Variants in GATAD2B observed in about 807,000 individuals in gnomAD.
GATAD2B encodes the protein transcriptional repressor p66-beta.
Under a neutral mutation model 64.3 loss-of-function variants are expected in GATAD2B, and 8 were observed. The ratio of observed to expected loss-of-function variants is 0.12; its 90% CI spans 0.07 to 0.22. GATAD2B has a LOEUF of 0.22. Among genes scored for constraint, GATAD2B ranks in the 10% least tolerant of loss-of-function variants. The probability of loss-of-function intolerance (pLI) is 1.00; values close to 1 mark genes in which losing one functional copy is unlikely to be tolerated. For missense variants in GATAD2B, 453 were observed against 752.0 expected (o/e 0.60, Z 4.65); for synonymous variants, 281 against 271.3 (o/e 1.04, Z -0.35).
At chr1:153,838,232 A>C (rs1449951867) in intron 1 of GATAD2B, among the ~76,000 whole-genome samples, 1 of 152,178 alleles carries the variant, frequency 6.6e-6, no homozygotes, top group Non-Finnish European at 1.5e-5. Flanking sequence ...CTGCACATCT[A>C]TCCATCCATC....
chr1:153,865,835 G>A (rs1040055157), intron 1 of GATAD2B, among the ~76,000 whole-genome samples: 1 of 152,054 alleles, frequency 6.6e-6, no homozygotes, highest in African/African-American at 2.4e-5. Flanking sequence ...ACCTTAGAAC[G>A]GTCTCAACGG....
intron 1 of GATAD2B, among the ~76,000 whole-genome samples, chr1:153,854,582 A>C (rs991758299): frequency 6.6e-6 from 1 of 152,232 alleles, no homozygotes; most frequent in Non-Finnish European, 1.5e-5. Context: ...ATACATTTTT[A>C]AAAGTTTGTT....
intron 1 of GATAD2B, among the ~76,000 whole-genome samples, chr1:153,831,653 C>A (rs1270866256): frequency 6.6e-6 from 1 of 152,178 alleles, no homozygotes; most frequent in Non-Finnish European, 1.5e-5. Flanking sequence ...TCACACTTCA[C>A]CTCCCAATTT....
At chr1:153,854,273 G>A (rs1676007012) in intron 1 of GATAD2B, among the ~76,000 whole-genome samples, 2 of 152,016 alleles carry the variant, frequency 1.3e-5, no homozygotes, top group South Asian at 4.1e-4. Flanking sequence ...CTTGGTGGTG[G>A]GCACCTGTAG....
At chr1:153,895,210 T>G (rs148543218) in intron 1 of GATAD2B, among the ~76,000 whole-genome samples, 61 of 151,972 alleles carry the variant, frequency 4.0e-4, no homozygotes, top group Non-Finnish European at 6.9e-4. Context: ...AACGTGCCTG[T>G]AGTCCCAGCT....
chr1:153,835,867 C>T (rs991771864), intron 1 of GATAD2B, among the ~76,000 whole-genome samples: 3 of 151,836 alleles, frequency 2.0e-5, no homozygotes, highest in South Asian at 2.1e-4. Context: ...GGATTACAGG[C>T]GCGTACCACC....
At chr1:153,889,541 A>T (rs906513944) in intron 1 of GATAD2B, 2 of 156,274 alleles carry the variant, frequency 1.3e-5, no homozygotes, top group Non-Finnish European at 2.8e-5. Context: ...CCATCCAATT[A>T]TCGGAATTTC....
At chr1:153,869,243 G>A (rs1471471309) in intron 1 of GATAD2B, among the ~76,000 whole-genome samples, 1 of 149,016 alleles carries the variant, frequency 6.7e-6, no homozygotes, top group Admixed American at 6.8e-5. Context: ...AGTGAGCCAA[G>A]ATAGTGCCAC....
At chr1:153,858,934 C>T (rs936815497) in intron 1 of GATAD2B, among the ~76,000 whole-genome samples, 2 of 152,020 alleles carry the variant, frequency 1.3e-5, no homozygotes, top group African/African-American at 4.8e-5. Context: ...GAATTAAGGG[C>T]AGAAGTGAAC....
intron 1 of GATAD2B, among the ~76,000 whole-genome samples, chr1:153,891,183 A>G (rs1677378384): frequency 6.7e-6 from 1 of 150,260 alleles, no homozygotes; most frequent in Non-Finnish European, 1.5e-5. Context: ...TTCCGCCTCA[A>G]AGAAACACAC....
At chr1:153,853,567 T>C (rs1188499584) in intron 1 of GATAD2B, among the ~76,000 whole-genome samples, 1 of 152,228 alleles carries the variant, frequency 6.6e-6, no homozygotes, top group Non-Finnish European at 1.5e-5. Flanking sequence ...CCTCACATTT[T>C]GTAGATTGCC....
intron 1 of GATAD2B, among the ~76,000 whole-genome samples, chr1:153,917,416 A>C (rs1263122585): frequency 2.8e-5 from 4 of 141,050 alleles, no homozygotes; most frequent in Non-Finnish European, 6.1e-5. Flanking sequence ...TTTTTTTGAA[A>C]CTGAGTCTCA....
chr1:153,841,119 C>T (rs1426206824), intron 1 of GATAD2B, among the ~76,000 whole-genome samples: 5 of 129,146 alleles, frequency 3.9e-5, no homozygotes, highest in African/African-American at 3.0e-5. Flanking sequence ...AGGAAGACTC[C>T]GTCTCAAAAA....
rs537480965 is a variant in GATAD2B, at chr1:153,849,338, CT to C, written c.-1-20991del. 1.8e-3 allele frequency among the ~76,000 whole-genome samples: 272 copies of C among 152,294 alleles called. 4 individuals are homozygous for C. In the South Asian group the frequency reaches 0.037, roughly 21 times the overall value. ...TAATCCCACCCATGAGGGTAAAGCC[CT>C]AACAACTTAATCACTTCTTAAAGGT... On this transcript the variant is annotated intron_variant, in intron 1 of 10. Transcript: ENST00000368655.
chr1:153,810,392 G>C, intron 10 of GATAD2B, 82 bp from the exon 11 acceptor site: 13 of 1,419,302 alleles, frequency 9.2e-6, no homozygotes, highest in Non-Finnish European at 1.3e-5. Flanking sequence ...GGGCTGCAGA[G>C]TTGGAGATGG....
At chr1:153,810,773 T>C (rs1200468561) in intron 10 of GATAD2B, among the ~76,000 whole-genome samples, 1 of 150,602 alleles carries the variant, frequency 6.6e-6, no homozygotes, top group Admixed American at 6.6e-5. Flanking sequence ...TTTGTTTGCT[T>C]ATTTATCTGA....
chr1:153,822,897 G>A (rs1674734084), intron 2 of GATAD2B, among the ~76,000 whole-genome samples: 1 of 152,146 alleles, frequency 6.6e-6, no homozygotes, highest in African/African-American at 2.4e-5. Flanking sequence ...GCTCACTGCA[G>A]TCTCAATCTC....
intron 10 of GATAD2B, chr1:153,811,476 C>T: frequency 1.9e-6 from 1 of 530,282 alleles, no homozygotes. Context: ...AACCACATGT[C>T]TACTGAAGGG....
intron 8 of GATAD2B, 129 bp downstream of exon 8, chr1:153,813,121 G>T: frequency 1.4e-6 from 1 of 699,326 alleles, no homozygotes; most frequent in Non-Finnish European, 2.6e-6. Context: ...AGGACACAAT[G>T]ATAAGGAGAC....
Sources: allele counts gnomAD v4.1 joint callset (sites outside exome capture counted in the v4.1 genomes callset), GRCh38; gene constraint gnomAD v4.1.1; transcripts MANE v1.5; gene names NCBI Gene and HGNC (gene_info 2026-07-23, HGNC 2026-07-21).